The following SH3GL1 variants were observed in gnomAD, a reference collection of about 807,000 sequenced individuals.
SH3GL1 encodes endophilin-A2.
Under a neutral mutation model 48.8 loss-of-function variants are expected in SH3GL1, and 21 were observed. The ratio of observed to expected loss-of-function variants is 0.43; its 90% CI spans 0.30 to 0.62. The LOEUF (loss-of-function observed/expected upper bound fraction) is 0.62. Among genes scored for constraint, SH3GL1 ranks in the 20% least tolerant of loss-of-function variants. SH3GL1 has a pLI of 0.11. For missense variants in SH3GL1, 454 were observed against 503.0 expected, an observed-to-expected ratio of 0.90 and a Z score of 0.93; for synonymous variants, 282 against 217.5, an observed-to-expected ratio of 1.30 and a Z score of -2.61.
At position 4,376,150 on chromosome 19, in the gene SH3GL1, C is replaced by T. The variant is rs1380927205; in HGVS notation, c.46-9156G>A. On this transcript the variant is annotated intron_variant, in intron 1 of 9. Coordinates refer to ENST00000269886, the MANE Select transcript of SH3GL1 (RefSeq NM_003025.4). The surrounding 1 kb of genome is among the most constrained non-coding windows in gnomAD (Gnocchi z 4.3). ...TCCCTGAGAGCTGAGGAGACTTGCC[C>T]GAAAGCCCAGAGCCCTTCCTGAGAC... Among the ~76,000 whole-genome samples, 2 of 152,134 alleles carry T rather than the reference C, an allele frequency of 1.3e-5. No individual in the cohort carries two copies. Among genetic ancestry groups the T allele is most frequent in the African/African-American group, 4.8e-5 (2 of 41,424 alleles).
Position 4,363,930 on chromosome 19 carries a change from C to T in SH3GL1, c.466-52G>A, listed in dbSNP as rs575610202. On this transcript the variant is annotated intron_variant, in intron 5 of 9. Transcript: ENST00000269886. ...ACCAGTAGCGGCCAGAGGGCCGCCC[C>T]ACGCATGGCTTTGACCCACTGTCCC... 3.7e-6 allele frequency: 6 copies of T among 1,610,584 alleles called. No individual in the cohort carries two copies. In the African/African-American group the frequency reaches 8.0e-5, roughly 21 times the overall value.
rs1240757586 is a variant in SH3GL1 at position 4,361,646 on chromosome 19, A to G, written c.1061T>C (p.Phe354Ser). Residue 354 changes from phenylalanine (F) to serine (S), a missense_variant, in exon 10 of 10, where the codon TTC (phenylalanine) becomes TCC (serine). This residue lies in a region of SH3GL1 where 278 missense variants were observed against 246.8 expected (regional missense o/e 1.13). Coordinates refer to ENST00000269886, the MANE Select transcript of SH3GL1 (RefSeq NM_003025.4). Reference sequence around the variant, plus strand: ...CACCTCCACGTAGCTGAGCGGGAAGAAGCCCGACTGGCCGTCCAGCATGCC... The same window carrying G: ...CACCTCCACGTAGCTGAGCGGGAAGGAGCCCGACTGGCCGTCCAGCATGCC... ...YEGMLDGQSG[F>S]FPLSYVEVLV... is the part of the protein sequence containing the mutation. The G allele has an allele frequency of 6.2e-7, 1 of 1,610,056 alleles. No individual in the cohort carries two copies. Among genetic ancestry groups the G allele is most frequent in the Non-Finnish European group, 8.5e-7 (1 of 1,179,648 alleles).
At chr19:4,383,241 G>A (rs1198929882) in intron 1 of SH3GL1, among the ~76,000 whole-genome samples, 1 of 150,260 alleles carries the variant, frequency 6.7e-6, no homozygotes, top group Non-Finnish European at 1.5e-5. Context: ...TTGAGACCAG[G>A]TCTTGCTCTG....
At chr19:4,381,870 T>G (rs1474822474) in intron 1 of SH3GL1, among the ~76,000 whole-genome samples, 1 of 151,060 alleles carries the variant, frequency 6.6e-6, no homozygotes, top group Non-Finnish European at 1.5e-5. Context: ...TTTTTTGTAT[T>G]TTTTAGTAGA....
rs937303402 is a variant in SH3GL1, at chr19:4,361,067, G to T, written c.*533C>A. 4.2e-6 allele frequency: 1 copy of T among 236,442 alleles called. No individual in the cohort carries two copies. The highest frequency in any genetic ancestry group is 8.3e-6 in the Non-Finnish European group (1 of 120,326). 14.6% of individuals were successfully genotyped at this position (236,442 alleles called of 1,614,324 possible). ...AGGAGAAGGAGTGCGTGTGTGAGGC[G>T]GGGGTGCATTGGCCCTGGAGTAGGG... On this transcript the variant is annotated 3_prime_UTR_variant, in exon 10 of 10. Transcript: ENST00000269886.
chr19:4,367,083 G>C lies in SH3GL1; in HGVS notation c.46-89C>G. 2 of 1,183,468 alleles carry C rather than the reference G, an allele frequency of 1.7e-6. No homozygotes were observed. Among genetic ancestry groups the C allele is most frequent in the South Asian group, 1.2e-5 (1 of 82,300 alleles). The allele number at this position is 1,183,468 out of a possible 1,614,324, so 73.3% of individuals were successfully genotyped here. ...CCCTGAGCCGCCTTCCAGCCACATCGCATCCACAGCTGGAGGCAGGAGGCC... is the reference window on the plus strand; with the variant it reads ...CCCTGAGCCGCCTTCCAGCCACATCCCATCCACAGCTGGAGGCAGGAGGCC... On this transcript the variant is annotated intron_variant, in intron 1 of 9. Coordinates refer to ENST00000269886, the MANE Select transcript of SH3GL1 (RefSeq NM_003025.4). The surrounding 1 kb of genome is among the most constrained non-coding windows in gnomAD (Gnocchi z 4.2).
At chr19:4,388,196 C>A (rs541155518) in intron 1 of SH3GL1, among the ~76,000 whole-genome samples, 3 of 152,056 alleles carry the variant, frequency 2.0e-5, no homozygotes, top group African/African-American at 7.2e-5. Context: ...AAAAATACCA[C>A]GATCCCCTTT....
intron 1 of SH3GL1, among the ~76,000 whole-genome samples, chr19:4,370,867 C>T (rs1303800787): frequency 2.6e-5 from 4 of 152,252 alleles, no homozygotes; most frequent in Non-Finnish European, 4.4e-5. Context: ...GGAAGGATCC[C>T]ACTGTTGCCT....
At chr19:4,370,054 G>A (rs779597424) in intron 1 of SH3GL1, among the ~76,000 whole-genome samples, 5 of 152,224 alleles carry the variant, frequency 3.3e-5, no homozygotes, top group Non-Finnish European at 7.3e-5. Context: ...TGCTGAGCAC[G>A]GAGGGGACCG....
intron 1 of SH3GL1, chr19:4,380,086 G>C (rs1973090735): frequency 6.6e-6 from 1 of 152,258 alleles, no homozygotes; most frequent in South Asian, 2.1e-4. Context: ...GACCCATGCT[G>C]CTGGGGCCCC....
At chr19:4,391,261 T>C (rs1973333368) in intron 1 of SH3GL1, among the ~76,000 whole-genome samples, 1 of 152,090 alleles carries the variant, frequency 6.6e-6, no homozygotes, top group Admixed American at 6.5e-5. Flanking sequence ...GCTTGATAGG[T>C]CTGGGGTGTC....
chr19:4,362,240 TGGGCAGAGAACAGGGC>T, intron 9 of SH3GL1, 73 bp downstream of exon 9: 1 of 1,326,990 alleles, frequency 7.5e-7, no homozygotes, highest in Non-Finnish European at 1.1e-6. Context: ...CTGCTTGAGA[TGGGCAGAGAACAGGGC>T]GGGAGGAGAA....
intron 1 of SH3GL1, among the ~76,000 whole-genome samples, chr19:4,393,217 C>A (rs549722047): frequency 7.9e-5 from 12 of 151,974 alleles, no homozygotes; most frequent in African/African-American, 2.9e-4. Flanking sequence ...GGTGAGATTG[C>A]GCCACTGCAT....
intron 1 of SH3GL1, among the ~76,000 whole-genome samples, chr19:4,399,885 C>CT (rs1973491268): frequency 6.6e-6 from 1 of 152,232 alleles, no homozygotes; most frequent in African/African-American, 2.4e-5. Flanking sequence ...ACTTCTTCCT[C>CT]TACCTTTTCA....
At chr19:4,394,580 T>C (rs1166908873) in intron 1 of SH3GL1, among the ~76,000 whole-genome samples, 2 of 152,116 alleles carry the variant, frequency 1.3e-5, no homozygotes, top group East Asian at 3.8e-4. Context: ...CCCAAAAGGT[T>C]TTGCAGGGAG....
In SH3GL1 at chr19:4,366,413, G is replaced by C. The variant is rs1972780194; in HGVS notation, c.187+88C>G. On this transcript the variant is annotated intron_variant, in intron 3 of 9. Coordinates refer to ENST00000269886, the MANE Select transcript of SH3GL1 (RefSeq NM_003025.4). ...TGTGCCTGAAGCCCACAACCCATGA[G>C]CCTGGCGGTTCTGTCATCCCCTGCC... The C allele has an allele frequency of 4.0e-5, 42 of 1,043,286 alleles. 1 individual carries two copies. In the South Asian group the frequency reaches 5.4e-4, roughly 13 times the overall value. The allele number at this position is 1,043,286 out of a possible 1,614,324, so 64.6% of individuals were successfully genotyped here.
At chr19:4,370,291 C>G (rs1972871743) in intron 1 of SH3GL1, among the ~76,000 whole-genome samples, 1 of 152,222 alleles carries the variant, frequency 6.6e-6, no homozygotes, top group Non-Finnish European at 1.5e-5. Context: ...ACTCTGCAGG[C>G]TGGCTGTAGC....
At chr19:4,398,915 G>A (rs899536197) in intron 1 of SH3GL1, among the ~76,000 whole-genome samples, 2 of 152,170 alleles carry the variant, frequency 1.3e-5, no homozygotes, top group Admixed American at 6.5e-5. Context: ...GCTATTTATT[G>A]TAGTAATGGT....
At chr19:4,362,289 A>T in intron 9 of SH3GL1, 40 bp downstream of exon 9, 1 of 1,595,930 alleles carries the variant, frequency 6.3e-7, no homozygotes, top group Middle Eastern at 1.7e-4. Flanking sequence ...AATGGCCGAG[A>T]AGGCAGCACT....
Sources: allele counts gnomAD v4.1 joint callset (sites outside exome capture counted in the v4.1 genomes callset), GRCh38; gene constraint gnomAD v4.1.1; regional missense constraint gnomAD v4.1.1; non-coding constraint Gnocchi (gnomAD v3.1); transcripts MANE v1.5; gene names NCBI Gene and HGNC (gene_info 2026-07-23, HGNC 2026-07-21).